The following BCAS3 variants were observed in gnomAD, a reference collection of about 807,000 sequenced individuals.
The protein encoded by BCAS3 is BCAS4/BCAS3 fusion.
Under a neutral mutation model 116.1 loss-of-function variants are expected in BCAS3, and 53 were observed. The observed-to-expected ratio is 0.46, with a 90% CI of 0.37 to 0.57. The LOEUF (loss-of-function observed/expected upper bound fraction) is 0.57, where lower values mean the gene tolerates loss of function less well. BCAS3 is among the 20% of genes least tolerant of loss of function. The probability of loss-of-function intolerance (pLI) is 0.00; values close to 1 mark genes in which losing one functional copy is unlikely to be tolerated. For synonymous variants in BCAS3, 391 were observed against 408.2 expected, an observed-to-expected ratio of 0.96 and a Z score of 0.51; for missense variants, 917 against 1,165.4, an observed-to-expected ratio of 0.79 and a Z score of 3.10.
intron 22 of BCAS3, among the ~76,000 whole-genome samples, chr17:61,108,773 C>T (rs2074850972): frequency 6.6e-6 from 1 of 152,088 alleles, no homozygotes; most frequent in East Asian, 1.9e-4. Context: ...TCACTCTTTC[C>T]CCTGAGTCCT....
chr17:61,031,705 T>C (rs942355357), intron 16 of BCAS3, among the ~76,000 whole-genome samples: 1 of 152,118 alleles, frequency 6.6e-6, no homozygotes, highest in East Asian at 1.9e-4. Context: ...CACAACACTA[T>C]GTTATGTAGC....
At chr17:60,991,766 A>ACTC (rs2063540498) in intron 15 of BCAS3, among the ~76,000 whole-genome samples, 1 of 151,894 alleles carries the variant, frequency 6.6e-6, no homozygotes, top group Non-Finnish European at 1.5e-5. Flanking sequence ...TTAAGCACTT[A>ACTC]CTCCTCATTC....
At chr17:60,753,300 T>C (rs2042659799) in intron 6 of BCAS3, among the ~76,000 whole-genome samples, 1 of 152,048 alleles carries the variant, frequency 6.6e-6, no homozygotes, top group Non-Finnish European at 1.5e-5. Flanking sequence ...AAAATCCTTC[T>C]GTATTTTATT....
chr17:61,239,220 C>T lies in BCAS3; in HGVS notation c.2426-129107C>T, dbSNP rs2083289681. 6.6e-6 allele frequency among the ~76,000 whole-genome samples: 1 copy of T among 152,172 alleles called. No homozygotes were observed. Among genetic ancestry groups the T allele is most frequent in the Non-Finnish European group, 1.5e-5 (1 of 68,032 alleles). ...AGTATAGATAGTAGGAGTTGATTGGCACCAACATCTTTATTTAGTTTGGGT... is the reference window on the plus strand; with the variant it reads ...AGTATAGATAGTAGGAGTTGATTGGTACCAACATCTTTATTTAGTTTGGGT... On this transcript the variant is annotated intron_variant, in intron 22 of 23. Coordinates refer to ENST00000407086, the MANE Select transcript of BCAS3 (RefSeq NM_017679.5). The surrounding 1 kb of genome is among the most constrained non-coding windows in gnomAD (Gnocchi z 4.2).
intron 13 of BCAS3, among the ~76,000 whole-genome samples, chr17:60,936,478 G>T (rs1038554952): frequency 1.7e-4 from 26 of 151,920 alleles, no homozygotes; most frequent in African/African-American, 6.3e-4. Flanking sequence ...CCCACCAACA[G>T]TGTAAAAGTG....
intron 22 of BCAS3, among the ~76,000 whole-genome samples, chr17:61,143,580 C>T (rs1228342376): frequency 1.3e-5 from 2 of 152,038 alleles, no homozygotes; most frequent in Non-Finnish European, 2.9e-5. Context: ...GAGGCTGAGG[C>T]GGGTGGATCA....
chr17:60,810,548 AT>A, intron 7 of BCAS3: 1 of 869,224 alleles, frequency 1.2e-6, no homozygotes. Flanking sequence ...GACTGGAGCC[AT>A]TACTTCAAGA....
Position 61,128,614 on chromosome 17 carries a change from T to G in BCAS3, c.2425+44050T>G. ...AAAGTATGGAGAGAGAGAAAGCAAG[T>G]AACCCAGCAGAGTTTGTGACAGAAA... On this transcript the variant is annotated intron_variant, in intron 22 of 23. Coordinates refer to ENST00000407086, the MANE Select transcript of BCAS3 (RefSeq NM_017679.5). This position sits in a 1 kb window ranked among gnomAD's most constrained non-coding sequence, Gnocchi z 4.1. The G allele has an allele frequency of 3.1e-6, 3 of 983,336 alleles. No individual in the cohort carries two copies. Among genetic ancestry groups the G allele is most frequent in the Non-Finnish European group, 3.6e-6 (3 of 828,028 alleles). 60.9% of individuals were successfully genotyped at this position (983,336 alleles called of 1,614,324 possible). A position where few individuals can be genotyped will look rare whatever the true frequency, so the allele number is the denominator to read the frequency against.
At chr17:60,807,620 A>G (rs1568295045) in intron 6 of BCAS3, among the ~76,000 whole-genome samples, 1 of 152,106 alleles carries the variant, frequency 6.6e-6, no homozygotes, top group Non-Finnish European at 1.5e-5. Context: ...TGTCTCTACT[A>G]AAAATACAAA....
intron 22 of BCAS3, among the ~76,000 whole-genome samples, chr17:61,232,293 G>C (rs2082733885): frequency 6.6e-6 from 1 of 151,454 alleles, no homozygotes; most frequent in African/African-American, 2.4e-5. Context: ...AATCTGTGTA[G>C]TGTGCTTTGT....
At chr17:60,727,279 C>T in intron 5 of BCAS3, 1 of 1,103,674 alleles carries the variant, frequency 9.1e-7, no homozygotes, top group Non-Finnish European at 1.4e-6. Flanking sequence ...CACATTCTGG[C>T]CTTAGCACAG....
intron 22 of BCAS3, among the ~76,000 whole-genome samples, chr17:61,257,148 G>A (rs1382462099): frequency 6.6e-6 from 1 of 152,072 alleles, no homozygotes; most frequent in African/African-American, 2.4e-5. Context: ...CTGGCCAGGC[G>A]TGGTGGCTCA....
intron 22 of BCAS3, among the ~76,000 whole-genome samples, chr17:61,283,717 T>C (rs1409159273): frequency 1.3e-5 from 2 of 152,108 alleles, no homozygotes; most frequent in Non-Finnish European, 2.9e-5. Context: ...CCTCCCAAAC[T>C]GCTGAGATTA....
intron 8 of BCAS3, among the ~76,000 whole-genome samples, chr17:60,874,226 C>T (rs1046959853): frequency 6.6e-6 from 1 of 151,412 alleles, no homozygotes; most frequent in African/African-American, 2.4e-5. Flanking sequence ...ACCACCACAC[C>T]TGGCTAGTTT....
chr17:61,350,454 A>AAATT (rs1215240259), intron 22 of BCAS3, among the ~76,000 whole-genome samples: 6 of 150,690 alleles, frequency 4.0e-5, no homozygotes, highest in Non-Finnish European at 5.9e-5. Flanking sequence ...ATAAATAAAT[A>AAATT]AATTTTATTG....
intron 6 of BCAS3, among the ~76,000 whole-genome samples, chr17:60,767,821 G>A (rs577367859): frequency 3.5e-4 from 53 of 152,076 alleles, no homozygotes; most frequent in African/African-American, 1.2e-3. Context: ...ATTCTTTAGA[G>A]ACGGGGTCTC....
At chr17:61,342,252 T>C (rs1296844530) in intron 22 of BCAS3, among the ~76,000 whole-genome samples, 3 of 152,200 alleles carry the variant, frequency 2.0e-5, no homozygotes, top group Admixed American at 2.0e-4. Flanking sequence ...CGGTGCACAA[T>C]TGAAGGGCTT....
chr17:60,976,248 T>A (rs1477534542), intron 14 of BCAS3, among the ~76,000 whole-genome samples: 3 of 151,138 alleles, frequency 2.0e-5, no homozygotes, highest in African/African-American at 7.3e-5. Flanking sequence ...ATGGTCTCAA[T>A]CTCCTGACCT....
chr17:61,382,053 C>T (rs1016961150), intron 23 of BCAS3, among the ~76,000 whole-genome samples: 4 of 151,908 alleles, frequency 2.6e-5, no homozygotes, highest in Non-Finnish European at 5.9e-5. Flanking sequence ...TGGGGCCGGG[C>T]GCGGTGGCTC....
Sources: allele counts gnomAD v4.1 joint callset (sites outside exome capture counted in the v4.1 genomes callset), GRCh38; gene constraint gnomAD v4.1.1; non-coding constraint Gnocchi (gnomAD v3.1); transcripts MANE v1.5; gene names NCBI Gene and HGNC (gene_info 2026-07-23, HGNC 2026-07-21).